The following MICU1 variants were observed in gnomAD, a reference collection of about 807,000 sequenced individuals.
MICU1 encodes the protein calcium uptake protein 1, mitochondrial.
In MICU1, 45 loss-of-function variants were observed where a neutral mutation model predicts 56.8. The observed-to-expected ratio is 0.79, with a 90% CI of 0.62 to 1.02. MICU1 has a LOEUF of 1.02. Among genes scored for constraint, MICU1 ranks in the 50% least tolerant of loss-of-function variants. The probability of loss-of-function intolerance (pLI) is 0.00; values close to 1 mark genes in which losing one functional copy is unlikely to be tolerated. For synonymous variants in MICU1, 186 were observed against 195.1 expected, an observed-to-expected ratio of 0.95 and a Z score of 0.39; for missense variants, 504 against 587.1, an observed-to-expected ratio of 0.86 and a Z score of 1.46.
At chr10:72,455,274 C>T (rs1361487856) in intron 8 of MICU1, among the ~76,000 whole-genome samples, 2 of 133,578 alleles carry the variant, frequency 1.5e-5, no homozygotes, top group Admixed American at 8.8e-5. Context: ...AGCTTGAACC[C>T]GGGAGGTGGA....
chr10:72,533,283 T>G, intron 5 of MICU1: 1 of 500,184 alleles, frequency 2.0e-6, no homozygotes, highest in Non-Finnish European at 3.1e-6. Context: ...AAAATAAGTA[T>G]AGTGCAAACT....
chr10:72,402,119 T>C lies in MICU1; in HGVS notation c.1180+5810A>G, dbSNP rs376611741. The stretch of plus-strand genomic sequence containing the variant: ...TGTCTATCAGTCTCATAAGCTGAGA[T>C]TGATCAATGCTTCCATTGGAAGATT... On this transcript the variant is annotated intron_variant, in intron 10 of 11. Transcript: ENST00000361114. Among the ~76,000 whole-genome samples the C allele has an allele frequency of 5.9e-5, 9 of 151,454 alleles. No individual in the cohort carries two copies. In the East Asian group the frequency reaches 9.7e-4, roughly 16 times the overall value.
At chr10:72,494,546 T>C (rs534689199) in intron 6 of MICU1, among the ~76,000 whole-genome samples, 2 of 152,264 alleles carry the variant, frequency 1.3e-5, no homozygotes, top group East Asian at 1.9e-4. Flanking sequence ...TATCATTACA[T>C]ATTATCTCTG....
chr10:72,522,914 CT>C (rs1867865312), intron 5 of MICU1, among the ~76,000 whole-genome samples: 1 of 152,104 alleles, frequency 6.6e-6, no homozygotes. Flanking sequence ...TATTATTATT[CT>C]TTAATGTAAA....
chr10:72,454,473 A>C (rs543035995), intron 8 of MICU1, among the ~76,000 whole-genome samples: 2 of 149,028 alleles, frequency 1.3e-5, no homozygotes, highest in South Asian at 4.2e-4. Flanking sequence ...AAAAACAAAA[A>C]AAACAAAAAA....
At position 72,399,715 on chromosome 10, in the gene MICU1, C is replaced by T. The variant is rs571150259; in HGVS notation, c.1180+8214G>A. Among the ~76,000 whole-genome samples, 269 of 152,278 alleles carry T rather than the reference C, an allele frequency of 1.8e-3. 3 individuals are homozygous for T. The highest frequency in any genetic ancestry group is 6.2e-3 in the African/African-American group (258 of 41,568). On this transcript the variant is annotated intron_variant, in intron 10 of 11. Coordinates refer to ENST00000361114, the MANE Select transcript of MICU1 (RefSeq NM_001195518.2). ...CAGTGGCTCACGCCTGTAATCCCAG[C>T]ACTTTGGGAGACCAAGGCGGACAGA...
At chr10:72,497,699 G>A (rs1212693476) in intron 6 of MICU1, among the ~76,000 whole-genome samples, 1 of 152,156 alleles carries the variant, frequency 6.6e-6, no homozygotes, top group Admixed American at 6.5e-5. Flanking sequence ...ATCAGGGCAA[G>A]TCTCCACAGT....
In MICU1 at chr10:72,581,495, G is replaced by T. The variant is rs142062223; in HGVS notation, c.-1-14701C>A. 1.1e-3 allele frequency among the ~76,000 whole-genome samples: 171 copies of T among 152,278 alleles called. 1 individual carries two copies. Among genetic ancestry groups the T allele is most frequent in the Middle Eastern group, 3.4e-3 (1 of 294 alleles). ...GTACAAAAATTAGCTGGGCATGGTG[G>T]TGCCTGCCGGTAATCCCAGCTACTC... On this transcript the variant is annotated intron_variant, in intron 1 of 11. Transcript: ENST00000361114.
chr10:72,376,310 T>G (rs1862518683), intron 10 of MICU1, among the ~76,000 whole-genome samples: 1 of 152,062 alleles, frequency 6.6e-6, no homozygotes, highest in Non-Finnish European at 1.5e-5. Context: ...GAGTTTTTAT[T>G]CATAAGCTCC....
chr10:72,505,551 A>G (rs1589287710), intron 6 of MICU1, among the ~76,000 whole-genome samples: 1 of 152,214 alleles, frequency 6.6e-6, no homozygotes, highest in South Asian at 2.1e-4. Context: ...GCAAAGACAC[A>G]GAATCAACCT....
At chr10:72,568,790 T>C (rs1334446231) in intron 1 of MICU1, among the ~76,000 whole-genome samples, 2 of 129,476 alleles carry the variant, frequency 1.5e-5, no homozygotes, top group East Asian at 4.9e-4. Flanking sequence ...TCTTGCCCTA[T>C]CACCCAGGCT....
intron 10 of MICU1, among the ~76,000 whole-genome samples, chr10:72,380,664 A>AGG: frequency 6.6e-6 from 1 of 152,236 alleles, no homozygotes; most frequent in East Asian, 1.9e-4. Context: ...AGGAAATGTG[A>AGG]CGTTAAATAA....
intron 10 of MICU1, among the ~76,000 whole-genome samples, chr10:72,385,715 G>A (rs1406590483): frequency 6.6e-6 from 1 of 152,170 alleles, no homozygotes; most frequent in Non-Finnish European, 1.5e-5. Context: ...CATATCCTGT[G>A]TAATCCCCTC....
intron 4 of MICU1, among the ~76,000 whole-genome samples, chr10:72,534,704 C>T (rs1047493938): frequency 6.6e-6 from 1 of 152,058 alleles, no homozygotes; most frequent in African/African-American, 2.4e-5. Context: ...TATCATTGCT[C>T]CCAGAAAAAG....
chr10:72,575,737 C>T (rs1453600554), intron 1 of MICU1, among the ~76,000 whole-genome samples: 1 of 152,146 alleles, frequency 6.6e-6, no homozygotes, highest in Admixed American at 6.5e-5. Context: ...TAATTGGTAA[C>T]TGTTGTGTGT....
intron 8 of MICU1, among the ~76,000 whole-genome samples, chr10:72,471,078 G>A (rs909070583): frequency 6.6e-6 from 1 of 151,976 alleles, no homozygotes; most frequent in African/African-American, 2.4e-5. Flanking sequence ...TCCCTCATGG[G>A]CATGCTACAC....
intron 3 of MICU1, among the ~76,000 whole-genome samples, chr10:72,554,789 T>C (rs1285666210): frequency 1.3e-5 from 2 of 151,892 alleles, no homozygotes; most frequent in African/African-American, 4.8e-5. Context: ...CCAAGGCGGG[T>C]GGATCACTTG....
intron 8 of MICU1, among the ~76,000 whole-genome samples, chr10:72,458,696 C>A (rs868117238): frequency 1.6e-5 from 2 of 128,296 alleles, no homozygotes; most frequent in Non-Finnish European, 3.4e-5. Context: ...AATTCAAATG[C>A]GGTTCCTGTT....
intron 8 of MICU1, among the ~76,000 whole-genome samples, chr10:72,442,377 C>T (rs2132186181): frequency 6.6e-6 from 1 of 152,214 alleles, no homozygotes; most frequent in South Asian, 2.1e-4. Context: ...CTCCTGACCT[C>T]AGGTGACCCA....
Sources: gnomAD v4.1 joint callset for allele counts (sites outside exome capture counted in the v4.1 genomes callset) on GRCh38, gnomAD v4.1.1 for gene constraint, MANE v1.5 for transcripts, NCBI Gene and HGNC (gene_info 2026-07-23, HGNC 2026-07-21) for gene names.